Variants in KSR1 observed in about 807,000 individuals in gnomAD.
KSR1 encodes the protein kinase suppressor of ras 1, also known as kinase suppressor of ras.
In KSR1, 35 loss-of-function variants were observed where a neutral mutation model predicts 92.9. That is an observed-to-expected ratio of 0.38 (90% CI 0.29 to 0.50). The LOEUF (loss-of-function observed/expected upper bound fraction) is 0.50, where lower values mean the gene tolerates loss of function less well. Among genes scored for constraint, KSR1 ranks in the 20% least tolerant of loss-of-function variants. The probability of loss-of-function intolerance (pLI) is 0.94; values close to 1 mark genes in which losing one functional copy is unlikely to be tolerated. For synonymous variants in KSR1, 467 were observed against 472.6 expected (o/e 0.99, Z 0.15); for missense variants, 972 against 1,158.5 (o/e 0.84, Z 2.34).
At chr17:27,619,747 C>G (rs1198568075) in intron 19 of KSR1, among the ~76,000 whole-genome samples, 2 of 151,760 alleles carry the variant, frequency 1.3e-5, no homozygotes, top group African/African-American at 4.8e-5. Context: ...GAGTCTTGCT[C>G]TGTCACCCAG....
intron 1 of KSR1, among the ~76,000 whole-genome samples, chr17:27,475,887 A>T (rs2068327637): frequency 6.6e-6 from 1 of 152,224 alleles, no homozygotes; most frequent in African/African-American, 2.4e-5. Context: ...CATCGAGGAA[A>T]AATACACAGT....
At chr17:27,616,379 T>C (rs959256686) in intron 18 of KSR1, among the ~76,000 whole-genome samples, 3 of 152,234 alleles carry the variant, frequency 2.0e-5, no homozygotes, top group Non-Finnish European at 4.4e-5. Context: ...TCCAGCACTT[T>C]TAATGTTTCA....
Position 27,605,758 on chromosome 17 carries a change from G to T in KSR1, c.1939G>T (p.Val647Leu). ...MNYRQTRHEN[V>L]VLFMGACMNP... is the part of the protein sequence containing the mutation. ...CTACCGGCAGACGCGGCATGAGAACGTGGTGCTCTTCATGGGGGCCTGCAT... is the reference window on the plus strand; with the variant it reads ...CTACCGGCAGACGCGGCATGAGAACTTGGTGCTCTTCATGGGGGCCTGCAT... Residue 647 changes from valine to leucine, a missense_variant, in exon 14 of 21, where the codon GTG (valine) becomes TTG (leucine). Coordinates refer to ENST00000644974, the MANE Select transcript of KSR1 (RefSeq NM_001394583.1). The T allele has an allele frequency of 6.2e-7, 1 of 1,612,748 alleles. No homozygotes were observed. The highest frequency in any genetic ancestry group is 8.5e-7 in the Non-Finnish European group (1 of 1,179,828).
At chr17:27,604,197 A>T (rs1346629184) in intron 12 of KSR1, among the ~76,000 whole-genome samples, 1 of 152,198 alleles carries the variant, frequency 6.6e-6, no homozygotes, top group African/African-American at 2.4e-5. Flanking sequence ...TTTCTCTACC[A>T]GGCCATGCTG....
chr17:27,481,714 T>C (rs1338182251), intron 1 of KSR1, among the ~76,000 whole-genome samples: 1 of 152,202 alleles, frequency 6.6e-6, no homozygotes, highest in Non-Finnish European at 1.5e-5. Flanking sequence ...TTAGGTTACA[T>C]GGATGAATTG....
intron 1 of KSR1, among the ~76,000 whole-genome samples, chr17:27,465,942 G>A (rs2019674360): frequency 6.6e-6 from 1 of 152,172 alleles, no homozygotes; most frequent in South Asian, 2.1e-4. Context: ...ACCAAGGCCT[G>A]GGCCCTTAAA....
At chr17:27,490,962 T>C (rs2068804406) in intron 1 of KSR1, among the ~76,000 whole-genome samples, 1 of 152,170 alleles carries the variant, frequency 6.6e-6, no homozygotes, top group Admixed American at 6.5e-5. Context: ...ATCTATGGAC[T>C]GTCTTGGACA....
chr17:27,527,004 C>A, intron 1 of KSR1: 2 of 521,966 alleles, frequency 3.8e-6, no homozygotes, highest in Admixed American at 3.1e-5. Context: ...GTTCTCCCAG[C>A]CCTTCTTCAG....
chr17:27,607,419 C>T (rs1242573482), intron 14 of KSR1, among the ~76,000 whole-genome samples: 1 of 152,090 alleles, frequency 6.6e-6, no homozygotes, highest in Non-Finnish European at 1.5e-5. Context: ...CCTTGACGCC[C>T]CTAACATCTA....
At chr17:27,554,299 C>A (rs554168397) in intron 2 of KSR1, among the ~76,000 whole-genome samples, 1 of 152,160 alleles carries the variant, frequency 6.6e-6, no homozygotes, top group Admixed American at 6.5e-5. Flanking sequence ...AACAATGGAA[C>A]GCTAGGCATA....
At chr17:27,567,546 C>T (rs2072130799) in intron 2 of KSR1, among the ~76,000 whole-genome samples, 1 of 152,194 alleles carries the variant, frequency 6.6e-6, no homozygotes, top group South Asian at 2.1e-4. Context: ...GGTGAGGCCA[C>T]GAGCCCAGAG....
At chr17:27,505,483 T>C (rs990776165) in intron 1 of KSR1, among the ~76,000 whole-genome samples, 1 of 152,164 alleles carries the variant, frequency 6.6e-6, no homozygotes, top group Admixed American at 6.5e-5. Flanking sequence ...GGTTTGTTAT[T>C]AGTGCTCTAA....
intron 12 of KSR1, 91 bp downstream of exon 12, chr17:27,603,979 C>A: frequency 7.8e-7 from 1 of 1,279,354 alleles, no homozygotes; most frequent in Non-Finnish European, 1.1e-6. Context: ...TCCACCTTTC[C>A]ATCTCCAGCC....
intron 20 of KSR1, chr17:27,621,980 A>G (rs1327482269): frequency 1.9e-6 from 3 of 1,601,932 alleles, no homozygotes; most frequent in Admixed American, 1.7e-5. Context: ...CCTCCTAATC[A>G]ACAACTCAGC....
chr17:27,560,310 G>A, intron 2 of KSR1: 1 of 381,396 alleles, frequency 2.6e-6, no homozygotes, highest in South Asian at 2.0e-5. Context: ...GGAAGTTGTT[G>A]AAAGGAAGTG....
At chr17:27,527,232 A>G (rs1001465180) in intron 1 of KSR1, 6 of 228,752 alleles carry the variant, frequency 2.6e-5, no homozygotes, top group Non-Finnish European at 3.7e-5. Flanking sequence ...ATTTTCCACT[A>G]TATTTCCCCT....
intron 1 of KSR1, chr17:27,526,507 C>A: frequency 3.1e-6 from 5 of 1,603,934 alleles, no homozygotes; most frequent in Non-Finnish European, 3.4e-6. Context: ...ATCCTGTGTT[C>A]CTCCTCTGCC....
At chr17:27,480,867 T>G (rs2068490043) in intron 1 of KSR1, among the ~76,000 whole-genome samples, 1 of 152,204 alleles carries the variant, frequency 6.6e-6, no homozygotes, top group African/African-American at 2.4e-5. Context: ...CACCAGTGGA[T>G]CTGGGCTCGA....
intron 1 of KSR1, among the ~76,000 whole-genome samples, chr17:27,541,727 A>G (rs1225752874): frequency 6.6e-6 from 1 of 152,230 alleles, no homozygotes; most frequent in Non-Finnish European, 1.5e-5. Flanking sequence ...GGATTCAAGA[A>G]AGTTACAAAG....
Sources: gnomAD v4.1 joint callset for allele counts (sites outside exome capture counted in the v4.1 genomes callset) on GRCh38, gnomAD v4.1.1 for gene constraint, MANE v1.5 for transcripts, NCBI Gene and HGNC (gene_info 2026-07-23, HGNC 2026-07-21) for gene names.